The following DENND4B variants were observed in gnomAD, a reference collection of about 807,000 sequenced individuals.
DENND4B encodes DENN domain containing 4B.
DENND4B carries 67 observed loss-of-function variants against 161.0 expected under a neutral mutation model. The ratio of observed to expected loss-of-function variants is 0.42; its 90% CI spans 0.34 to 0.51. The LOEUF (loss-of-function observed/expected upper bound fraction) is 0.51, where lower values mean the gene tolerates loss of function less well. DENND4B is among the 20% of genes least tolerant of loss of function. DENND4B has a pLI of 0.08. For synonymous variants in DENND4B, 753 were observed against 813.8 expected, an observed-to-expected ratio of 0.93 and a Z score of 1.27; for missense variants, 1,481 against 1,968.0, an observed-to-expected ratio of 0.75 and a Z score of 4.68.
chr1:153,939,991 T>G, intron 11 of DENND4B, 165 bp downstream of exon 11: 2 of 817,298 alleles, frequency 2.4e-6, no homozygotes, highest in Non-Finnish European at 3.8e-6. Flanking sequence ...TGTCTGCCCT[T>G]CCTTCTAGCT....
rs1571038272 is a variant in DENND4B at position 153,934,414 on chromosome 1, C to T, written c.2774-112G>A. On this transcript the variant is annotated intron_variant, in intron 18 of 27. Transcript: ENST00000361217. The surrounding 1 kb of genome is among the most constrained non-coding windows in gnomAD (Gnocchi z 5.3). ...TTTGCAGGGTTCCTCCCAGGCAAAACTTTATCCGTTTTGTGTTTGTTTGTT... is the reference window on the plus strand; with the variant it reads ...TTTGCAGGGTTCCTCCCAGGCAAAATTTTATCCGTTTTGTGTTTGTTTGTT... 1.5e-6 allele frequency: 2 copies of T among 1,369,642 alleles called. No homozygotes were observed. The highest frequency in any genetic ancestry group is 2.5e-5 in the East Asian group (1 of 39,524). 84.8% of individuals were successfully genotyped at this position (1,369,642 alleles called of 1,614,324 possible).
In DENND4B at chr1:153,939,671, C is replaced by T. The variant is rs1446591708; in HGVS notation, c.1737G>A (p.Lys579=). The T allele has an allele frequency of 1.9e-6, 3 of 1,613,942 alleles. No individual in the cohort carries two copies. The highest frequency in any genetic ancestry group is 1.6e-4 in the Middle Eastern group (1 of 6,062). The part of the protein sequence containing the change: ...AFLRFMACLL[K]GYRVFLRPLT... ...GTGGGCGCAGGAAGACCCGGTAGCC[C>T]TTGAGCAGACAGGCCATGAAGCGGA... Residue 579 remains lysine, a synonymous_variant, in exon 12 of 28, where the codon AAG becomes AAA. Coordinates refer to ENST00000361217, the MANE Select transcript of DENND4B (RefSeq NM_014856.3).
rs1371046001 is a variant in DENND4B at position 153,946,485 on chromosome 1, G to C, written c.-208C>G. 2.3e-5 allele frequency: 9 copies of C among 389,752 alleles called. No homozygotes were observed. The highest frequency in any genetic ancestry group is 1.3e-4 in the South Asian group (1 of 7,812). The allele number at this position is 389,752 out of a possible 1,614,324, so 24.1% of individuals were successfully genotyped here. A position where few individuals can be genotyped will look rare whatever the true frequency, so the allele number is the denominator to read the frequency against. ...GGACCGCAGAGCGCGGGGCGCAGTG[G>C]AAGGAGATCCGGGCGGTCCCCGCGT... On this transcript the variant is annotated 5_prime_UTR_variant, in exon 1 of 28. Coordinates refer to ENST00000361217, the MANE Select transcript of DENND4B (RefSeq NM_014856.3). This position sits in a 1 kb window ranked among gnomAD's most constrained non-coding sequence, Gnocchi z 6.3.
chr1:153,945,346 G>T, intron 1 of DENND4B: 1 of 360,702 alleles, frequency 2.8e-6, no homozygotes, highest in South Asian at 2.1e-5. Flanking sequence ...GTGTGGTGGC[G>T]GTGGCGGTGG....
rs1224245560 is a variant in DENND4B, at chr1:153,932,542, C to T, written c.3759+100G>A. On this transcript the variant is annotated intron_variant, in intron 23 of 27. Transcript: ENST00000361217. This position sits in a 1 kb window ranked among gnomAD's most constrained non-coding sequence, Gnocchi z 5.8. ...CCAACAGCTTTTGGGATGCCCCTTG[C>T]CCTCAAGGGCAAGAGATGTGCCCAT... The T allele has an allele frequency of 6.4e-7, 1 of 1,562,118 alleles. No homozygotes were observed. Among genetic ancestry groups the T allele is most frequent in the African/African-American group, 1.4e-5 (1 of 73,686 alleles).
chr1:153,942,763 C>G lies in DENND4B; in HGVS notation c.570+115G>C. 1.4e-6 allele frequency: 2 copies of G among 1,472,430 alleles called. No individual in the cohort carries two copies. The highest frequency in any genetic ancestry group is 9.0e-7 in the Non-Finnish European group (1 of 1,106,534). The allele number at this position is 1,472,430 out of a possible 1,614,324, so 91.2% of individuals were successfully genotyped here. On this transcript the variant is annotated intron_variant, in intron 3 of 27. Coordinates refer to ENST00000361217, the MANE Select transcript of DENND4B (RefSeq NM_014856.3). This position sits in a 1 kb window ranked among gnomAD's most constrained non-coding sequence, Gnocchi z 6.9. ...CCCAGTGCCCCAAGACCAGAGTTAC[C>G]CCTCTGGACTCACCCCTGTGGTCAG... is the stretch of plus-strand genomic sequence containing the variant.
chr1:153,934,394 A>G lies in DENND4B; in HGVS notation c.2774-92T>C, dbSNP rs1679192751. The G allele has an allele frequency of 6.8e-7, 1 of 1,461,176 alleles. No individual in the cohort carries two copies. The highest frequency in any genetic ancestry group is 1.4e-5 in the African/African-American group (1 of 69,128). 90.5% of individuals were successfully genotyped at this position (1,461,176 alleles called of 1,614,324 possible). ...GCTCCTTAGATGGACCAGGGTTTGC[A>G]GGGTTCCTCCCAGGCAAAACTTTAT... On this transcript the variant is annotated intron_variant, in intron 18 of 27. Transcript: ENST00000361217. This position sits in a 1 kb window ranked among gnomAD's most constrained non-coding sequence, Gnocchi z 5.3.
In DENND4B at chr1:153,936,384, T is replaced by G. The variant is rs1388517642; in HGVS notation, c.2439+158A>C. Among the ~76,000 whole-genome samples the G allele has an allele frequency of 6.6e-6, 1 of 152,204 alleles. No individual in the cohort carries two copies. The highest frequency in any genetic ancestry group is 1.5e-5 in the Non-Finnish European group (1 of 68,034). ...AGTCTTCACTGCTAAACCCTGAACA[T>G]GCTTATTCACTCGACGAATGTTTAT... is the stretch of plus-strand genomic sequence containing the variant. On this transcript the variant is annotated intron_variant, in intron 16 of 27. Coordinates refer to ENST00000361217, the MANE Select transcript of DENND4B (RefSeq NM_014856.3). This position sits in a 1 kb window ranked among gnomAD's most constrained non-coding sequence, Gnocchi z 4.1.
Position 153,940,229 on chromosome 1 carries a change from A to T in DENND4B, c.1530T>A (p.Pro510=). 6.2e-7 allele frequency: 1 copy of T among 1,601,986 alleles called. No homozygotes were observed. Residue 510 remains proline (P), a synonymous_variant, in exon 11 of 28, where the codon CCT becomes CCA. Coordinates refer to ENST00000361217, the MANE Select transcript of DENND4B (RefSeq NM_014856.3). This position sits in a 1 kb window ranked among gnomAD's most constrained non-coding sequence, Gnocchi z 5.6. ...TGTAGGGTCTGCGGGGCAGGGTCCGAGGGGAGAGGAGCTTCTTTTCCTCAG... is the reference window on the plus strand; with the variant it reads ...TGTAGGGTCTGCGGGGCAGGGTCCGTGGGGAGAGGAGCTTCTTTTCCTCAG... ...FQTEEKKLLS[P]RTLPRRPYKV...
intron 1 of DENND4B, chr1:153,945,264 A>AG: frequency 1.1e-6 from 1 of 892,748 alleles, no homozygotes; most frequent in Non-Finnish European, 1.6e-6. Context: ...GGTGCTTCAG[A>AG]GGGGAAGGGA....
Position 153,933,596 on chromosome 1 carries a change from C to T in DENND4B, c.3217G>A (p.Ala1073Thr). The change falls in exon 20 of 28, where the codon GCC becomes ACC. Residue 1073 changes from alanine to threonine, a missense_variant. Transcript: ENST00000361217. This position sits in a 1 kb window ranked among gnomAD's most constrained non-coding sequence, Gnocchi z 5.7. ...QLLTPSRHSPASRIPPPELPP... is the reference protein window; with the variant it reads ...QLLTPSRHSPTSRIPPPELPP... ...AGCTCAGGTGGGGGAATGCGGGAGG[C>T]AGGGGAGTGGCGGGAAGGAGTGAGC... The T allele has an allele frequency of 1.3e-6, 2 of 1,572,520 alleles. No individual in the cohort carries two copies.
Position 153,940,051 on chromosome 1 carries a change from T to TCACTCAC in DENND4B, c.1603+98_1603+104dup. ...AGTTCCACCAAATGCAATCCTAACT[T>TCACTCAC]CACTCACCTCCTTAAGAAATGTCTA... On this transcript the variant is annotated intron_variant, in intron 11 of 27. Transcript: ENST00000361217. This position sits in a 1 kb window ranked among gnomAD's most constrained non-coding sequence, Gnocchi z 5.6. The TCACTCAC allele has an allele frequency of 9.5e-7, 1 of 1,056,886 alleles. No homozygotes were observed. Among genetic ancestry groups the TCACTCAC allele is most frequent in the Non-Finnish European group, 1.4e-6 (1 of 739,026 alleles). 65.5% of individuals were successfully genotyped at this position (1,056,886 alleles called of 1,614,324 possible).
chr1:153,935,622 C>T (rs1679287768), intron 17 of DENND4B, among the ~76,000 whole-genome samples: 1 of 152,246 alleles, frequency 6.6e-6, no homozygotes, highest in African/African-American at 2.4e-5. Context: ...GCTGAGATTA[C>T]AGGCATGAGC....
chr1:153,944,070 AG>A lies in DENND4B; in HGVS notation c.304del (p.Leu102SerfsTer197), dbSNP rs747842790. The A allele has an allele frequency of 6.4e-7, 1 of 1,570,682 alleles. No homozygotes were observed. The highest frequency in any genetic ancestry group is 8.7e-7 in the Non-Finnish European group (1 of 1,155,414). Reference sequence around the variant, plus strand: ...TAGGGGCACACACCCCAGCTCAACGAGGGGGGGCTTGTCACGGCCCCTGCGG... The same window carrying A: ...TAGGGGCACACACCCCAGCTCAACGAGGGGGGCTTGTCACGGCCCCTGCGG... Reference protein sequence around the residue: ...CYRRGRDKPPLVELGVLYEGK... With the variant: ...CYRRGRDKPPXVELGVLYEGK... On this transcript the variant is annotated frameshift_variant, in exon 2 of 28. Transcript: ENST00000361217. LOFTEE classifies it high-confidence loss of function. This position sits in a 1 kb window ranked among gnomAD's most constrained non-coding sequence, Gnocchi z 4.8.
Position 153,933,298 on chromosome 1 carries a change from C to G in DENND4B, c.3352G>C (p.Glu1118Gln). The G allele has an allele frequency of 6.2e-7, 1 of 1,613,352 alleles. No individual in the cohort carries two copies. Among genetic ancestry groups the G allele is most frequent in the Non-Finnish European group, 8.5e-7 (1 of 1,179,598 alleles). ...ASESSASLGS[E>Q]WDLSESSLSN... is the part of the protein sequence containing the mutation. ...AGAGAAGATTCTGAGAGGTCCCACT[C>G]ACTGCCCAGAGAGGCTGAGCTCTAC... The change falls in exon 21 of 28, where the codon GAG (glutamate) becomes CAG (glutamine). Residue 1118 changes from glutamate to glutamine, a missense_variant. By Grantham distance (29) the Glu-to-Gln change is conservative. This residue lies in a region of DENND4B where 336 missense variants were observed against 503.3 expected (regional missense o/e 0.67). Transcript: ENST00000361217. The surrounding 1 kb of genome is among the most constrained non-coding windows in gnomAD (Gnocchi z 5.7).
In DENND4B at chr1:153,942,362, C is replaced by A; in HGVS notation, c.641-6G>T. ...CGGGTAGCGGCCCAGCAGCTCTGCA[C>A]CCCCAGCATAGTTGGGGGTACCCAA... On this transcript the variant is annotated splice_polypyrimidine_tract_variant and splice_region_variant and intron_variant, in intron 4 of 27. Transcript: ENST00000361217. The surrounding 1 kb of genome is among the most constrained non-coding windows in gnomAD (Gnocchi z 6.9). 6.2e-7 allele frequency: 1 copy of A among 1,608,688 alleles called. No individual in the cohort carries two copies. The highest frequency in any genetic ancestry group is 8.5e-7 in the Non-Finnish European group (1 of 1,177,082).
chr1:153,941,774 A>AGG, intron 6 of DENND4B, 95 bp downstream of exon 6: 1 of 618,130 alleles, frequency 1.6e-6, no homozygotes, highest in East Asian at 4.9e-5. Flanking sequence ...CCCTGTGCCC[A>AGG]GCCCTCCCCC....
chr1:153,938,920 AG>A lies in DENND4B; in HGVS notation c.1944del (p.Phe649LeufsTer20). The A allele has an allele frequency of 6.3e-7, 1 of 1,594,856 alleles. No individual in the cohort carries two copies. The highest frequency in any genetic ancestry group is 8.5e-7 in the Non-Finnish European group (1 of 1,170,404). On this transcript the variant is annotated frameshift_variant, in exon 13 of 28. Transcript: ENST00000361217. LOFTEE classifies it high-confidence loss of function. ...GATACCTTTTCAACACAAGAGTCAA[AG>A]AATTCAAGGGCAGCATGGCGAGCAG... ...FGSARHAALE[F>X]FDSCVEKVHP... is the part of the protein sequence containing the mutation.
At chr1:153,939,248 G>C (rs1224547781) in intron 12 of DENND4B, among the ~76,000 whole-genome samples, 16 of 151,372 alleles carry the variant, frequency 1.1e-4, no homozygotes, top group African/African-American at 3.9e-4. Context: ...CCCTCCCTTT[G>C]TCTGCCTGTA....
Sources: gnomAD v4.1 joint callset for allele counts (sites outside exome capture counted in the v4.1 genomes callset) on GRCh38, gnomAD v4.1.1 for gene constraint, gnomAD v4.1.1 regional missense constraint, Gnocchi (gnomAD v3.1) non-coding constraint, MANE v1.5 for transcripts, NCBI Gene and HGNC (gene_info 2026-07-23, HGNC 2026-07-21) for gene names.